Variants in CACNG3 observed in about 807,000 individuals in gnomAD.
CACNG3 encodes the protein calcium voltage-gated channel auxiliary subunit gamma 3.
Under a neutral mutation model 28.5 loss-of-function variants are expected in CACNG3, and 3 were observed. That is an observed-to-expected ratio of 0.11 (90% CI 0.05 to 0.27). CACNG3 has a LOEUF of 0.27. Among genes scored for constraint, CACNG3 ranks in the 10% least tolerant of loss-of-function variants. The pLI, the probability that CACNG3 is intolerant of heterozygous loss-of-function variation, is 1.00. For missense variants in CACNG3, 236 were observed against 414.4 expected (o/e 0.57, Z 3.74); for synonymous variants, 174 against 162.2 (o/e 1.07, Z -0.55).
In CACNG3 at chr16:24,362,048, T is replaced by A; in HGVS notation, c.*185T>A. 1.8e-6 allele frequency: 1 copy of A among 549,872 alleles called. No homozygotes were observed. The highest frequency in any genetic ancestry group is 3.1e-6 in the Non-Finnish European group (1 of 318,796). The allele number at this position is 549,872 out of a possible 1,614,324, so 34.1% of individuals were successfully genotyped here. On this transcript the variant is annotated 3_prime_UTR_variant, in exon 4 of 4. Transcript: ENST00000005284. ...CAAGTCCTAACCCCTCCATCCTCTC[T>A]AACTTTTCAAGCCAATCCCTTAATG...
intron 1 of CACNG3, among the ~76,000 whole-genome samples, chr16:24,288,234 G>A (rs73554469): frequency 0.013 from 2,008 of 152,262 alleles, 38 homozygotes; most frequent in African/African-American, 0.046. Flanking sequence ...TGATGATGAT[G>A]ATAATAGCTT....
At chr16:24,262,226 T>G (rs1474922946) in intron 1 of CACNG3, among the ~76,000 whole-genome samples, 1 of 152,192 alleles carries the variant, frequency 6.6e-6, no homozygotes, top group Non-Finnish European at 1.5e-5. Context: ...CTCTCTTCCC[T>G]ACTCCTGACC....
chr16:24,300,633 A>C (rs1371574185), intron 1 of CACNG3, among the ~76,000 whole-genome samples: 1 of 152,042 alleles, frequency 6.6e-6, no homozygotes, highest in Non-Finnish European at 1.5e-5. Context: ...AAAAAAAAAA[A>C]AACCATAGAC....
intron 1 of CACNG3, among the ~76,000 whole-genome samples, chr16:24,308,715 T>G (rs1899218951): frequency 6.6e-6 from 1 of 151,502 alleles, no homozygotes. Flanking sequence ...CATGTTGGCA[T>G]GTGCCTCCCA....
At chr16:24,331,939 CCCCAATCACA>C (rs1241200492) in intron 1 of CACNG3, among the ~76,000 whole-genome samples, 4 of 152,208 alleles carry the variant, frequency 2.6e-5, no homozygotes, top group African/African-American at 9.7e-5. Context: ...TCCTCCCCCA[CCCCAATCACA>C]TTCTCTCCAG....
chr16:24,314,963 G>A (rs905418402), intron 1 of CACNG3, among the ~76,000 whole-genome samples: 1 of 152,132 alleles, frequency 6.6e-6, no homozygotes, highest in African/African-American at 2.4e-5. Context: ...CTGTGAGCTT[G>A]TGCAAGATAG....
At chr16:24,335,494 T>C (rs1188717665) in intron 1 of CACNG3, among the ~76,000 whole-genome samples, 1 of 152,162 alleles carries the variant, frequency 6.6e-6, no homozygotes, top group Non-Finnish European at 1.5e-5. Flanking sequence ...CATACATACT[T>C]CCCATGTGCT....
At chr16:24,278,494 T>A (rs899476665) in intron 1 of CACNG3, among the ~76,000 whole-genome samples, 2 of 152,118 alleles carry the variant, frequency 1.3e-5, no homozygotes, top group Non-Finnish European at 2.9e-5. Flanking sequence ...CACATGCCTG[T>A]AGTCCCAGCT....
chr16:24,307,005 G>A lies in CACNG3; in HGVS notation c.212-39729G>A, dbSNP rs189727386. 1.4e-3 allele frequency among the ~76,000 whole-genome samples: 206 copies of A among 152,298 alleles called. 1 individual carries two copies. Among genetic ancestry groups the A allele is most frequent in the Non-Finnish European group, 2.3e-3 (154 of 68,022 alleles). ...GTACTGCTCTCAGCACAAAGGAGCTGCCTCAGCCAAGGTCACACCCGCTTC... is the reference window on the plus strand; with the variant it reads ...GTACTGCTCTCAGCACAAAGGAGCTACCTCAGCCAAGGTCACACCCGCTTC... On this transcript the variant is annotated intron_variant, in intron 1 of 3. Transcript: ENST00000005284.
intron 1 of CACNG3, among the ~76,000 whole-genome samples, chr16:24,308,028 A>G (rs1371671469): frequency 1.3e-5 from 2 of 152,114 alleles, no homozygotes; most frequent in East Asian, 1.9e-4. Flanking sequence ...CATCTGAGAA[A>G]GCAATGGGTT....
intron 1 of CACNG3, among the ~76,000 whole-genome samples, chr16:24,341,334 G>A (rs1899784505): frequency 6.6e-6 from 1 of 152,148 alleles, no homozygotes; most frequent in Non-Finnish European, 1.5e-5. Context: ...TCTTCCTTGG[G>A]GAAAATTCTT....
chr16:24,361,649 G>T lies in CACNG3; in HGVS notation c.734G>T (p.Arg245Leu). 6.2e-7 allele frequency: 1 copy of T among 1,613,596 alleles called. No homozygotes were observed. Among genetic ancestry groups the T allele is most frequent in the Non-Finnish European group, 8.5e-7 (1 of 1,179,910 alleles). ...TCTCGCTCCACCGAGCCCAGATCCC[G>T]AGACCTGTCCCCCATCAGCAAAGGC... ...SSSRSTEPRS[R>L]DLSPISKGFH... The change falls in exon 4 of 4, where the codon CGA becomes CTA. Residue 245 changes from arginine (R) to leucine (L), a missense_variant. Arg to Leu is a moderately radical substitution (Grantham distance 102). Coordinates refer to ENST00000005284, the MANE Select transcript of CACNG3 (RefSeq NM_006539.4). The surrounding 1 kb of genome is among the most constrained non-coding windows in gnomAD (Gnocchi z 6.8).
At position 24,294,124 on chromosome 16, in the gene CACNG3, G is replaced by A. The variant is rs539471597; in HGVS notation, c.211+37159G>A. ...CAAACCTGGCGTTGTGCACCTGATC[G>A]TAGGTGCAGAAGCAGGAAGAAAAAT... On this transcript the variant is annotated intron_variant, in intron 1 of 3. Coordinates refer to ENST00000005284, the MANE Select transcript of CACNG3 (RefSeq NM_006539.4). 5.3e-5 allele frequency among the ~76,000 whole-genome samples: 8 copies of A among 152,286 alleles called. No individual in the cohort carries two copies. In the East Asian group the frequency reaches 7.7e-4, roughly 15 times the overall value.
At chr16:24,297,249 A>AAAAAT (rs559621094) in intron 1 of CACNG3, among the ~76,000 whole-genome samples, 5,696 of 128,042 alleles carry the variant, frequency 0.044, 217 homozygotes, top group African/African-American at 0.15. Context: ...TCCCATCTCT[A>AAAAAT]AAAATAAAAT....
At chr16:24,360,614 C>T (rs1900092423) in intron 3 of CACNG3, among the ~76,000 whole-genome samples, 1 of 152,314 alleles carries the variant, frequency 6.6e-6, no homozygotes, top group East Asian at 1.9e-4. Flanking sequence ...CTGAGCAGCT[C>T]CATTTGGATT....
intron 2 of CACNG3, among the ~76,000 whole-genome samples, chr16:24,353,385 T>C (rs77923569): frequency 0.11 from 16,638 of 152,244 alleles, 1,196 homozygotes; most frequent in South Asian, 0.15. Flanking sequence ...GGCTCCTTGG[T>C]AAACCAATGA....
At chr16:24,343,148 C>A (rs1250240240) in intron 1 of CACNG3, among the ~76,000 whole-genome samples, 2 of 152,024 alleles carry the variant, frequency 1.3e-5, no homozygotes, top group African/African-American at 4.8e-5. Context: ...ATGATTACAC[C>A]ATTGCACTCC....
chr16:24,359,291 A>G (rs549489999), intron 3 of CACNG3, among the ~76,000 whole-genome samples: 1 of 152,236 alleles, frequency 6.6e-6, no homozygotes, highest in East Asian at 1.9e-4. Flanking sequence ...ATCCATGTTC[A>G]TTTTAATATA....
chr16:24,320,566 T>C (rs955253147), intron 1 of CACNG3, among the ~76,000 whole-genome samples: 16 of 152,168 alleles, frequency 1.1e-4, no homozygotes, highest in Non-Finnish European at 7.3e-5. Flanking sequence ...AATACTATAT[T>C]ATTAATACAG....
Sources: allele counts gnomAD v4.1 joint callset (sites outside exome capture counted in the v4.1 genomes callset), GRCh38; gene constraint gnomAD v4.1.1; non-coding constraint Gnocchi (gnomAD v3.1); transcripts MANE v1.5; gene names NCBI Gene and HGNC (gene_info 2026-07-23, HGNC 2026-07-21).